Variants in CNKSR3 observed in about 807,000 individuals in gnomAD.
CNKSR3 encodes connector enhancer of kinase suppressor of ras 3.
In CNKSR3, 36 loss-of-function variants were observed where a neutral mutation model predicts 67.7. The ratio of observed to expected loss-of-function variants is 0.53; its 90% CI spans 0.41 to 0.70. The LOEUF (loss-of-function observed/expected upper bound fraction) is 0.70, where lower values mean the gene tolerates loss of function less well. CNKSR3 is among the 30% of genes least tolerant of loss of function. The pLI is 0.00. For synonymous variants in CNKSR3, 281 were observed against 271.4 expected, an observed-to-expected ratio of 1.04 and a Z score of -0.35; for missense variants, 630 against 695.2, an observed-to-expected ratio of 0.91 and a Z score of 1.05.
intron 1 of CNKSR3, among the ~76,000 whole-genome samples, chr6:154,451,335 C>T (rs1785821643): frequency 6.6e-6 from 1 of 152,186 alleles, no homozygotes; most frequent in African/African-American, 2.4e-5. Context: ...ATAAAAGTCA[C>T]CTTAGTGTTT....
intron 1 of CNKSR3, among the ~76,000 whole-genome samples, chr6:154,451,304 T>C (rs895884511): frequency 6.6e-6 from 1 of 152,250 alleles, no homozygotes; most frequent in East Asian, 1.9e-4. Flanking sequence ...CCTGAATCAA[T>C]TGATCTATTG....
intron 3 of CNKSR3, 61 bp from the exon 4 acceptor site, chr6:154,441,440 G>GA: frequency 8.0e-7 from 1 of 1,253,506 alleles, no homozygotes; most frequent in South Asian, 1.2e-5. Context: ...GATCCCACTG[G>GA]ATGTTGGTAA....
rs1050987131 is a variant in CNKSR3 at position 154,510,598 on chromosome 6, C to A, written c.-484G>T. ...CCGGCGCAGGTCCCACCTCCTGCGCCGCCCTCCCGTGCCGCCCTGGCAGGG... is the reference window on the plus strand; with the variant it reads ...CCGGCGCAGGTCCCACCTCCTGCGCAGCCCTCCCGTGCCGCCCTGGCAGGG... On this transcript the variant is annotated 5_prime_UTR_variant, in exon 1 of 13. Coordinates refer to ENST00000607772, the MANE Select transcript of CNKSR3 (RefSeq NM_173515.4). The A allele has an allele frequency of 2.4e-5, 4 of 169,296 alleles. No homozygotes were observed. The East Asian group carries it at 5.7e-4, about 24-fold the overall frequency. 10.5% of individuals were successfully genotyped at this position (169,296 alleles called of 1,614,324 possible).
chr6:154,420,312 T>C (rs969234370), intron 9 of CNKSR3, among the ~76,000 whole-genome samples: 2 of 152,038 alleles, frequency 1.3e-5, no homozygotes, highest in African/African-American at 4.8e-5. Flanking sequence ...TGGGGAATCC[T>C]GGTCAAAGGG....
At chr6:154,505,636 T>C (rs914911755) in intron 1 of CNKSR3, among the ~76,000 whole-genome samples, 3 of 151,070 alleles carry the variant, frequency 2.0e-5, no homozygotes, top group African/African-American at 7.3e-5. Context: ...TAGCTGGGAC[T>C]ACAGGCGCCC....
At chr6:154,498,043 C>T (rs1306714770) in intron 1 of CNKSR3, among the ~76,000 whole-genome samples, 2 of 152,110 alleles carry the variant, frequency 1.3e-5, no homozygotes, top group Non-Finnish European at 2.9e-5. Context: ...CAAGAGAAGC[C>T]GAATTCCTGT....
At chr6:154,423,550 G>A (rs1474352392) in intron 7 of CNKSR3, among the ~76,000 whole-genome samples, 2 of 152,110 alleles carry the variant, frequency 1.3e-5, no homozygotes, top group African/African-American at 4.8e-5. Flanking sequence ...GAGCCACCGC[G>A]CCCAGTCTGG....
At chr6:154,471,300 G>A (rs970465360) in intron 1 of CNKSR3, among the ~76,000 whole-genome samples, 1 of 152,172 alleles carries the variant, frequency 6.6e-6, no homozygotes, top group African/African-American at 2.4e-5. Flanking sequence ...CACTTTGGGA[G>A]GCTGAGGCAG....
intron 9 of CNKSR3, 84 bp downstream of exon 9, chr6:154,422,422 C>A: frequency 7.3e-7 from 1 of 1,363,266 alleles, no homozygotes. Context: ...AATCAATCAC[C>A]TTCAAATTTT....
chr6:154,438,896 G>A (rs1436432883), intron 4 of CNKSR3, among the ~76,000 whole-genome samples: 6 of 152,156 alleles, frequency 3.9e-5, no homozygotes, highest in African/African-American at 9.7e-5. Context: ...CAATGAAGAC[G>A]CTCACAGGTA....
intron 1 of CNKSR3, among the ~76,000 whole-genome samples, chr6:154,474,710 T>C (rs1253021497): frequency 2.0e-5 from 3 of 151,884 alleles, no homozygotes; most frequent in African/African-American, 4.8e-5. Flanking sequence ...GAGAAAGAAA[T>C]GGACAGGATG....
chr6:154,445,029 C>A (rs1199142429), intron 2 of CNKSR3, among the ~76,000 whole-genome samples: 1 of 149,486 alleles, frequency 6.7e-6, no homozygotes, highest in Admixed American at 6.6e-5. Context: ...TTTTTTTTTG[C>A]AAGATGAACA....
chr6:154,455,308 C>CA lies in CNKSR3; in HGVS notation c.53-5051dup, dbSNP rs960028868. ...CACTCCAGCCTCCATCTCAAAAAAC[C>CA]AAAAAAAAAATAGTGATTTTGTTTT... is the stretch of plus-strand genomic sequence containing the variant. On this transcript the variant is annotated intron_variant, in intron 1 of 12. Coordinates refer to ENST00000607772, the MANE Select transcript of CNKSR3 (RefSeq NM_173515.4). Among the ~76,000 whole-genome samples the CA allele has an allele frequency of 2.7e-4, 39 of 147,096 alleles. 1 individual carries two copies. The highest frequency in any genetic ancestry group is 4.3e-4 in the South Asian group (2 of 4,654).
intron 1 of CNKSR3, among the ~76,000 whole-genome samples, chr6:154,473,042 T>A (rs537394811): frequency 1.6e-4 from 24 of 152,294 alleles, no homozygotes; most frequent in Admixed American, 3.9e-4. Context: ...TAAAATGGAC[T>A]GAGTGCTTAC....
At position 154,397,661 on chromosome 6, in the gene CNKSR3, T is replaced by G. The variant is rs969696817; in HGVS notation, c.*8693A>C. ...TGAGATGCATGCACAGGGCAGACAGTAGAGCCTGCAACTGTGATGGAATTA... is the reference window on the plus strand; with the variant it reads ...TGAGATGCATGCACAGGGCAGACAGGAGAGCCTGCAACTGTGATGGAATTA... On this transcript the variant is annotated 3_prime_UTR_variant, in exon 13 of 13. Coordinates refer to ENST00000607772, the MANE Select transcript of CNKSR3 (RefSeq NM_173515.4). 1 of 152,196 alleles carries G rather than the reference T, an allele frequency of 6.6e-6. No homozygotes were observed. The allele number at this position is 152,196 out of a possible 1,614,324, so 9.4% of individuals were successfully genotyped here.
At position 154,388,415 on chromosome 6, in the gene CNKSR3, G is replaced by A. The variant is rs1246187064; in HGVS notation, c.*17939C>T. 3 of 152,052 alleles carry A rather than the reference G, an allele frequency of 2.0e-5. No individual in the cohort carries two copies. The highest frequency in any genetic ancestry group is 2.1e-4 in the South Asian group (1 of 4,828). 9.4% of individuals were successfully genotyped at this position (152,052 alleles called of 1,614,324 possible). On this transcript the variant is annotated 3_prime_UTR_variant, in exon 13 of 13. Transcript: ENST00000607772. ...CATTTTCTTTATTCATTTCTCCGCCGATGGACGCTTAGATTGTTTGTGTAT... is the reference window on the plus strand; with the variant it reads ...CATTTTCTTTATTCATTTCTCCGCCAATGGACGCTTAGATTGTTTGTGTAT...
At chr6:154,423,500 T>G (rs946981516) in intron 7 of CNKSR3, among the ~76,000 whole-genome samples, 1 of 152,108 alleles carries the variant, frequency 6.6e-6, no homozygotes, top group Admixed American at 6.5e-5. Flanking sequence ...TCAGGTGATC[T>G]GCCCACCTCA....
intron 9 of CNKSR3, among the ~76,000 whole-genome samples, chr6:154,415,097 CAAAAAAAAAAAA>C (rs1157415390): frequency 3.0e-4 from 10 of 33,240 alleles, no homozygotes; most frequent in Admixed American, 2.8e-3. Context: ...GACTCTGTCT[CAAAAAAAAAAAA>C]AAAAAAAAAA....
intron 7 of CNKSR3, 83 bp downstream of exon 7, chr6:154,428,045 C>T (rs567455356): frequency 1.1e-5 from 10 of 889,168 alleles, no homozygotes; most frequent in Admixed American, 1.9e-5. Flanking sequence ...AGCATGCACA[C>T]GTTTAAATTC....
Sources: allele counts gnomAD v4.1 joint callset (sites outside exome capture counted in the v4.1 genomes callset), GRCh38; gene constraint gnomAD v4.1.1; transcripts MANE v1.5; gene names NCBI Gene and HGNC (gene_info 2026-07-23, HGNC 2026-07-21).